Variants in CWC27 observed in about 807,000 individuals in gnomAD.
The protein encoded by CWC27 is spliceosome-associated protein CWC27 homolog.
A neutral mutation model predicts 63.6 loss-of-function variants in CWC27; 47 were observed. That is an observed-to-expected ratio of 0.74 (90% CI 0.58 to 0.94). The LOEUF (loss-of-function observed/expected upper bound fraction) is 0.94. Ranked by LOEUF, CWC27 falls within the 40% of genes least tolerant of loss-of-function variation. CWC27 has a pLI of 0.00. For synonymous variants in CWC27, 175 were observed against 179.8 expected (o/e 0.97, Z 0.22); for missense variants, 495 against 554.3 (o/e 0.89, Z 1.07).
At chr5:64,871,109 G>C (rs1746664387) in intron 10 of CWC27, among the ~76,000 whole-genome samples, 2 of 152,028 alleles carry the variant, frequency 1.3e-5, no homozygotes, top group African/African-American at 4.8e-5. Context: ...AAAAATTGCA[G>C]CTTTAGGCAA....
In CWC27 at chr5:64,966,336, TAAAAC is replaced by T. The variant is rs889384776; in HGVS notation, c.1043-5363_1043-5359del. On this transcript the variant is annotated intron_variant, in intron 11 of 13. Coordinates refer to ENST00000381070, the MANE Select transcript of CWC27 (RefSeq NM_005869.4). ...TGATATCCTTTGAAAGCTTATCACT[TAAAAC>T]AAAGAAAAACATATAGAGTTAGCAC... Among the ~76,000 whole-genome samples, 10 of 152,284 alleles carry T rather than the reference TAAAAC, an allele frequency of 6.6e-5. No individual in the cohort carries two copies. In the East Asian group the frequency reaches 9.6e-4, roughly 15 times the overall value.
chr5:64,930,935 G>C (rs1748225204), intron 11 of CWC27, among the ~76,000 whole-genome samples: 1 of 152,024 alleles, frequency 6.6e-6, no homozygotes, highest in East Asian at 1.9e-4. Context: ...AAAAACAACT[G>C]TCTTGTATTC....
intron 10 of CWC27, among the ~76,000 whole-genome samples, chr5:64,815,062 A>G (rs147302069): frequency 6.6e-6 from 1 of 152,298 alleles, no homozygotes; most frequent in African/African-American, 2.4e-5. Flanking sequence ...GCATTGAGAT[A>G]GGAACACTGG....
intron 11 of CWC27, among the ~76,000 whole-genome samples, chr5:64,953,038 G>A (rs1748740643): frequency 6.6e-6 from 1 of 152,060 alleles, no homozygotes; most frequent in Non-Finnish European, 1.5e-5. Flanking sequence ...GGCATTTATA[G>A]AAGAATAATT....
At position 64,955,897 on chromosome 5, in the gene CWC27, A is replaced by G. The variant is rs901569684; in HGVS notation, c.1043-15806A>G. ...TTCCTTATTAAAATTATTAGGAAAA[A>G]AAATCCCAAGATCTTGGGGAGTCAG... On this transcript the variant is annotated intron_variant, in intron 11 of 13. Transcript: ENST00000381070. 5.3e-5 allele frequency among the ~76,000 whole-genome samples: 8 copies of G among 152,254 alleles called. No homozygotes were observed. In the South Asian group the frequency reaches 1.7e-3, roughly 32 times the overall value.
chr5:64,787,476 A>G lies in CWC27; in HGVS notation c.599+849A>G, dbSNP rs896368157. ...ATAAATAGAAAGTAAAGTATAAAGA[A>G]TATTTTTAATGACTGCATGATTGCA... On this transcript the variant is annotated intron_variant, in intron 6 of 13. Transcript: ENST00000381070. Among the ~76,000 whole-genome samples, 56 of 152,118 alleles carry G rather than the reference A, an allele frequency of 3.7e-4. 1 individual carries two copies. Among genetic ancestry groups the G allele is most frequent in the African/African-American group, 1.3e-3 (52 of 41,552 alleles).
intron 10 of CWC27, among the ~76,000 whole-genome samples, chr5:64,872,237 G>A (rs1366896630): frequency 6.6e-6 from 1 of 152,126 alleles, no homozygotes; most frequent in African/African-American, 2.4e-5. Context: ...GACTCAAACA[G>A]AATGACTCAT....
At chr5:64,978,189 A>G (rs1749265491) in intron 13 of CWC27, among the ~76,000 whole-genome samples, 1 of 152,240 alleles carries the variant, frequency 6.6e-6, no homozygotes, top group South Asian at 2.1e-4. Context: ...ACACATTTAA[A>G]AAGACATAAA....
intron 6 of CWC27, 32 bp from the exon 7 acceptor site, chr5:64,788,919 C>CTTTTTT: frequency 8.1e-7 from 1 of 1,240,830 alleles, no homozygotes; most frequent in Non-Finnish European, 1.1e-6. Flanking sequence ...CTTTCTCTTT[C>CTTTTTT]TTTTTTTTTT....
At chr5:64,800,840 T>C (rs1220102145) in intron 8 of CWC27, among the ~76,000 whole-genome samples, 1 of 152,156 alleles carries the variant, frequency 6.6e-6, no homozygotes, top group Non-Finnish European at 1.5e-5. Flanking sequence ...TTAGATGTAA[T>C]AGCACAAGAT....
Position 64,925,633 on chromosome 5 carries a change from G to A in CWC27, c.1042+40087G>A, listed in dbSNP as rs556920686. ...ATAGAGGCAGCACGACTAGAGTCAC[G>A]TGGAATTAGGGATAAAGGGAGAGGT... is the stretch of plus-strand genomic sequence containing the variant. On this transcript the variant is annotated intron_variant, in intron 11 of 13. Transcript: ENST00000381070. 1.5e-3 allele frequency among the ~76,000 whole-genome samples: 230 copies of A among 152,310 alleles called. 1 individual carries two copies. Among genetic ancestry groups the A allele is most frequent in the Admixed American group, 3.5e-3 (54 of 15,294 alleles).
intron 11 of CWC27, among the ~76,000 whole-genome samples, chr5:64,904,749 A>G (rs2112368648): frequency 6.6e-6 from 1 of 152,368 alleles, no homozygotes; most frequent in South Asian, 2.1e-4. Flanking sequence ...CAGAGTTCCA[A>G]AACGGACTGA....
chr5:64,841,577 C>T (rs1298442796), intron 10 of CWC27, among the ~76,000 whole-genome samples: 5 of 152,180 alleles, frequency 3.3e-5, no homozygotes, highest in Admixed American at 1.3e-4. Flanking sequence ...TAGTCAGTCA[C>T]CAAAACCTAT....
At chr5:64,780,697 G>GCA (rs1224546831) in intron 2 of CWC27, among the ~76,000 whole-genome samples, 6 of 58,280 alleles carry the variant, frequency 1.0e-4, no homozygotes, top group South Asian at 2.0e-3. Flanking sequence ...GCGCACACGC[G>GCA]CGCACACACA....
chr5:65,001,620 T>G (rs2112466368), intron 13 of CWC27, among the ~76,000 whole-genome samples: 2 of 152,298 alleles, frequency 1.3e-5, no homozygotes. Flanking sequence ...TGTATTACAT[T>G]TATTGATTTG....
At chr5:64,845,803 C>T (rs188122555) in intron 10 of CWC27, among the ~76,000 whole-genome samples, 22 of 152,258 alleles carry the variant, frequency 1.4e-4, no homozygotes, top group African/African-American at 4.8e-4. Context: ...GAAAAAGGGT[C>T]ACAAAGCCTA....
chr5:65,007,404 A>T (rs1016288103), intron 13 of CWC27, among the ~76,000 whole-genome samples: 6 of 152,148 alleles, frequency 3.9e-5, no homozygotes, highest in Non-Finnish European at 2.9e-5. Context: ...AGCTAAGGAT[A>T]TTGCTCTACT....
intron 13 of CWC27, among the ~76,000 whole-genome samples, chr5:65,009,357 T>A (rs1357652926): frequency 6.6e-6 from 1 of 152,212 alleles, no homozygotes; most frequent in East Asian, 1.9e-4. Context: ...ACATGAGACT[T>A]GGCAGAGCCA....
At chr5:64,804,519 A>ATTTTTT in intron 10 of CWC27, 133 bp downstream of exon 10, 1 of 949,204 alleles carries the variant, frequency 1.1e-6, no homozygotes, top group Non-Finnish European at 1.5e-6. Flanking sequence ...ACAGTTGTAC[A>ATTTTTT]AATTGGCCCA....
Sources: gnomAD v4.1 joint callset for allele counts (sites outside exome capture counted in the v4.1 genomes callset) on GRCh38, gnomAD v4.1.1 for gene constraint, MANE v1.5 for transcripts, NCBI Gene and HGNC (gene_info 2026-07-23, HGNC 2026-07-21) for gene names.